Variants in FAM20C observed in about 807,000 individuals in gnomAD.
The protein encoded by FAM20C is extracellular serine/threonine protein kinase FAM20C.
A neutral mutation model predicts 51.5 loss-of-function variants in FAM20C; 40 were observed. The ratio of observed to expected loss-of-function variants is 0.78; its 90% CI spans 0.60 to 1.01. FAM20C has a LOEUF of 1.01. FAM20C is among the 50% of genes least tolerant of loss of function. FAM20C has a pLI of 0.00. For missense variants in FAM20C, 861 were observed against 844.7 expected, an observed-to-expected ratio of 1.02 and a Z score of -0.24; for synonymous variants, 406 against 380.6, an observed-to-expected ratio of 1.07 and a Z score of -0.78.
chr7:256,681 G>A lies in FAM20C; in HGVS notation c.1281G>A (p.Glu427=). Residue 427 remains glutamate, a synonymous_variant, in exon 7 of 10, where the codon GAG becomes GAA. Coordinates refer to ENST00000313766, the MANE Select transcript of FAM20C (RefSeq NM_020223.4). ...GGGAGGTGGACCCTGACTACTGCGA[G>A]GAGGTGAAGCAGACACCGCCCTACG... The part of the protein sequence containing the change: ...AEWEVDPDYC[E]EVKQTPPYDS... 6.5e-7 allele frequency: 1 copy of A among 1,536,140 alleles called. No individual in the cohort carries two copies. The highest frequency in any genetic ancestry group is 8.7e-7 in the Non-Finnish European group (1 of 1,146,834).
chr7:230,622 G>A (rs1035982327), intron 3 of FAM20C, among the ~76,000 whole-genome samples: 21 of 152,236 alleles, frequency 1.4e-4, no homozygotes, highest in Admixed American at 3.9e-4. Context: ...CTGTAAAATC[G>A]GTGGAAAAAC....
rs985335018 is a variant in FAM20C at position 249,202 on chromosome 7, G to A, written c.1072+772G>A. The stretch of plus-strand genomic sequence containing the variant: ...CTTAAACACACTCAGCAGGACCCCC[G>A]TTGTATAGTAACAGGGTGGGCGGCC... On this transcript the variant is annotated intron_variant, in intron 5 of 9. Transcript: ENST00000313766. 5.3e-5 allele frequency among the ~76,000 whole-genome samples: 8 copies of A among 152,288 alleles called. No individual in the cohort carries two copies. The East Asian group carries it at 5.8e-4, about 11-fold the overall frequency.
At position 193,086 on chromosome 7, in the gene FAM20C, C is replaced by G; in HGVS notation, c.-114C>G. 1 of 940,338 alleles carries G rather than the reference C, an allele frequency of 1.1e-6. No individual in the cohort carries two copies. The highest frequency in any genetic ancestry group is 1.8e-5 in the African/African-American group (1 of 55,936). 58.2% of individuals were successfully genotyped at this position (940,338 alleles called of 1,614,324 possible). A position where few individuals can be genotyped will look rare whatever the true frequency, so the allele number is the denominator to read the frequency against. ...CCGGGGACAGCCCCGGAGCTGGTAG[C>G]CGCCCGGCACCGATGGACCTTGACC... is the stretch of plus-strand genomic sequence containing the variant. On this transcript the variant is annotated 5_prime_UTR_variant, in exon 1 of 10. Coordinates refer to ENST00000313766, the MANE Select transcript of FAM20C (RefSeq NM_020223.4).
At chr7:234,781 C>T (rs1401233891) in intron 3 of FAM20C, among the ~76,000 whole-genome samples, 3 of 152,156 alleles carry the variant, frequency 2.0e-5, no homozygotes, top group Middle Eastern at 3.2e-3. Flanking sequence ...AGGTTTGGGA[C>T]GGACAGCCCC....
chr7:222,507 C>G (rs1178339327), intron 3 of FAM20C, among the ~76,000 whole-genome samples: 1 of 152,296 alleles, frequency 6.6e-6, no homozygotes, highest in South Asian at 2.1e-4. Flanking sequence ...AGGGCTGGCA[C>G]TGAGAGGGGA....
intron 3 of FAM20C, among the ~76,000 whole-genome samples, chr7:211,968 C>A (rs28533995): frequency 6.6e-6 from 1 of 152,176 alleles, no homozygotes; most frequent in Non-Finnish European, 1.5e-5. Flanking sequence ...GGCTGGTGCC[C>A]GACCCTCCTT....
intron 6 of FAM20C, chr7:256,377 T>C (rs74200166): frequency 1.9e-5 from 11 of 570,646 alleles, no homozygotes; most frequent in Non-Finnish European, 2.5e-5. Flanking sequence ...CGTGAGTGTG[T>C]AGTCCAGGTC....
At chr7:229,710 G>C (rs1443277777) in intron 3 of FAM20C, among the ~76,000 whole-genome samples, 1 of 152,198 alleles carries the variant, frequency 6.6e-6, no homozygotes, top group African/African-American at 2.4e-5. Flanking sequence ...TCACTGCCAG[G>C]GAGAGCCCCG....
intron 3 of FAM20C, among the ~76,000 whole-genome samples, chr7:237,841 A>ATGATGATGGTGGTGGAGG (rs1583323546): frequency 0.11 from 40 of 378 alleles, no homozygotes; most frequent in African/African-American, 0.25. Context: ...AGTGATAGTG[A>ATGATGATGGTGGTGGAGG]TGATGNNNNN....
Position 255,913 on chromosome 7 carries a change from G to A in FAM20C, c.1137G>A (p.Gly379=), listed in dbSNP as rs959261182. The change falls in exon 6 of 10, where the codon GGG becomes GGA. Residue 379 remains glycine, a synonymous_variant. Coordinates refer to ENST00000313766, the MANE Select transcript of FAM20C (RefSeq NM_020223.4). Reference sequence around the variant, plus strand: ...GCTCCACGGAGCACGCCCTGTGCGGGAAGCCAGACCAGATCGAGGGCTCGC... The same window carrying A: ...GCTCCACGGAGCACGCCCTGTGCGGAAAGCCAGACCAGATCGAGGGCTCGC... ...YYCSTEHALC[G]KPDQIEGSLA... is the part of the protein sequence containing the mutation. The A allele has an allele frequency of 6.5e-7, 1 of 1,536,450 alleles. No homozygotes were observed. The highest frequency in any genetic ancestry group is 8.7e-7 in the Non-Finnish European group (1 of 1,146,870).
chr7:196,275 TGGA>T (rs140551751), intron 2 of FAM20C, among the ~76,000 whole-genome samples: 8,253 of 152,290 alleles, frequency 0.054, 295 homozygotes, highest in Non-Finnish European at 0.083. Context: ...GCCTCCCAGA[TGGA>T]GGAGTTTGAA....
At chr7:249,808 G>A (rs142475064) in intron 5 of FAM20C, among the ~76,000 whole-genome samples, 5,591 of 152,236 alleles carry the variant, frequency 0.037, 233 homozygotes, top group East Asian at 0.1. Flanking sequence ...CTCTCCAAGC[G>A]CCTCTCTGGT....
At chr7:242,132 T>C (rs887528170) in intron 3 of FAM20C, among the ~76,000 whole-genome samples, 53,699 of 152,036 alleles carry the variant, frequency 0.35, 12,377 homozygotes, top group African/African-American at 0.67. Context: ...CGCCTGCTAC[T>C]GAGACGTCCA....
chr7:211,702 G>A (rs534039530), intron 3 of FAM20C, among the ~76,000 whole-genome samples: 1 of 152,332 alleles, frequency 6.6e-6, no homozygotes, highest in Non-Finnish European at 1.5e-5. Flanking sequence ...CGGGGAGGTG[G>A]GGGCCGGGTT....
At chr7:228,067 G>A (rs1354645138) in intron 3 of FAM20C, 1 of 221,728 alleles carries the variant, frequency 4.5e-6, no homozygotes, top group South Asian at 7.7e-5. Context: ...TGGTTCTGAA[G>A]CCCTTTAGCC....
At chr7:259,616 TTCTC>T (rs1450634852) in intron 9 of FAM20C, 111 bp from the exon 10 acceptor site, 3 of 1,119,874 alleles carry the variant, frequency 2.7e-6, no homozygotes, top group South Asian at 1.9e-5. Context: ...GTCCCCCTCT[TTCTC>T]TCTCTGTCTC....
intron 5 of FAM20C, among the ~76,000 whole-genome samples, chr7:255,615 T>C (rs1266095914): frequency 6.6e-6 from 1 of 152,164 alleles, no homozygotes; most frequent in Non-Finnish European, 1.5e-5. Flanking sequence ...TTTTCGAGGG[T>C]TCAGGCCGGG....
intron 3 of FAM20C, among the ~76,000 whole-genome samples, chr7:212,152 A>T (rs1373918557): frequency 6.6e-6 from 1 of 152,224 alleles, no homozygotes; most frequent in Non-Finnish European, 1.5e-5. Flanking sequence ...TTAATGAGTT[A>T]AAATCCATGA....
intron 3 of FAM20C, chr7:227,818 G>A (rs1787504031): frequency 1.3e-5 from 2 of 152,478 alleles, no homozygotes; most frequent in Admixed American, 1.3e-4. Flanking sequence ...CATCGCAATT[G>A]TTTTCAAGTG....
Sources: allele counts gnomAD v4.1 joint callset (sites outside exome capture counted in the v4.1 genomes callset), GRCh38; gene constraint gnomAD v4.1.1; transcripts MANE v1.5; gene names NCBI Gene and HGNC (gene_info 2026-07-23, HGNC 2026-07-21).